CUBN: variants seen among roughly 807,000 people sequenced by gnomAD.
CUBN encodes the protein 460 kDa receptor.
In CUBN, 282 loss-of-function variants were observed where a neutral mutation model predicts 405.3. The observed-to-expected ratio is 0.70, with a 90% CI of 0.63 to 0.77. The LOEUF (loss-of-function observed/expected upper bound fraction) is 0.77. Among genes scored for constraint, CUBN ranks in the 30% least tolerant of loss-of-function variants. The probability of loss-of-function intolerance (pLI) is 0.00; values close to 1 mark genes in which losing one functional copy is unlikely to be tolerated. For missense variants in CUBN, 4,514 were observed against 4,475.2 expected, an observed-to-expected ratio of 1.01 and a Z score of -0.25; for synonymous variants, 1,684 against 1,617.0, an observed-to-expected ratio of 1.04 and a Z score of -0.99.
At chr10:16,905,009 T>C (rs1458494318) in intron 50 of CUBN, among the ~76,000 whole-genome samples, 1 of 152,192 alleles carries the variant, frequency 6.6e-6, no homozygotes, top group Non-Finnish European at 1.5e-5. Context: ...AAATTCTCCT[T>C]CCTGAAAATT....
intron 22 of CUBN, among the ~76,000 whole-genome samples, chr10:17,050,175 C>T (rs1355503378): frequency 6.6e-6 from 1 of 152,146 alleles, no homozygotes; most frequent in Non-Finnish European, 1.5e-5. Context: ...TGTACTCTAT[C>T]CTGGTTGGCT....
intron 10 of CUBN, 78 bp downstream of exon 10, chr10:17,109,561 AT>A: frequency 8.6e-7 from 1 of 1,161,348 alleles, no homozygotes; most frequent in Middle Eastern, 2.0e-4. Flanking sequence ...AGAACAGAGG[AT>A]TTTGTGTTTA....
chr10:17,099,480 C>G (rs1213144953), intron 14 of CUBN, among the ~76,000 whole-genome samples: 1 of 152,018 alleles, frequency 6.6e-6, no homozygotes, highest in Non-Finnish European at 1.5e-5. Context: ...GTTTTTTAAT[C>G]CCTTCTATTT....
At position 16,990,456 on chromosome 10, in the gene CUBN, T is replaced by A; in HGVS notation, c.4228A>T (p.Arg1410Trp). 1 of 1,614,196 alleles carries A rather than the reference T, an allele frequency of 6.2e-7. No individual in the cohort carries two copies. The highest frequency in any genetic ancestry group is 1.1e-5 in the South Asian group (1 of 91,088). The stretch of plus-strand genomic sequence containing the variant: ...ATACACTCCTTGTTTGGTGGATACC[T>A]GTTGGGGAACCCGGGGCTGCTGAAG... ...GSFSSPGFPNRYPPNKECIWY... is the reference protein window; with the variant it reads ...GSFSSPGFPNWYPPNKECIWY... Residue 1410 changes from arginine to tryptophan, a missense_variant, in exon 29 of 67, where the codon AGG (arginine) becomes TGG (tryptophan). Physicochemically the swap from Arg to Trp is moderately radical, Grantham distance 101. Coordinates refer to ENST00000377833, the MANE Select transcript of CUBN (RefSeq NM_001081.4).
intron 62 of CUBN, among the ~76,000 whole-genome samples, chr10:16,837,869 G>C (rs1839220813): frequency 6.6e-6 from 1 of 152,188 alleles, no homozygotes; most frequent in Non-Finnish European, 1.5e-5. Flanking sequence ...TCTTACTCGA[G>C]GCTGCTCCAG....
At chr10:17,044,490 A>G (rs1835079917) in intron 25 of CUBN, among the ~76,000 whole-genome samples, 1 of 152,064 alleles carries the variant, frequency 6.6e-6, no homozygotes, top group African/African-American at 2.4e-5. Context: ...ATTGAAAATG[A>G]AAGCCCAATA....
intron 62 of CUBN, among the ~76,000 whole-genome samples, chr10:16,838,779 G>A (rs1486097153): frequency 6.6e-6 from 1 of 152,082 alleles, no homozygotes; most frequent in Non-Finnish European, 1.5e-5. Flanking sequence ...TGAGTAGCTG[G>A]GATTACAAGC....
At chr10:16,925,866 G>A in intron 41 of CUBN, 92 bp from the exon 42 acceptor site, 2 of 1,128,908 alleles carry the variant, frequency 1.8e-6, no homozygotes, top group South Asian at 1.3e-5. Flanking sequence ...TTTTCAAAGT[G>A]GAGGCAATAA....
At chr10:16,826,375 T>A (rs947718) in intron 66 of CUBN, among the ~76,000 whole-genome samples, 151,804 of 152,320 alleles carry the variant, frequency 1, 75,652 homozygotes, top group Middle Eastern at 1. Flanking sequence ...ATGTATGTAA[T>A]TATGCATGTA....
chr10:17,120,780 G>A (rs1419127262), intron 6 of CUBN, among the ~76,000 whole-genome samples: 1 of 152,190 alleles, frequency 6.6e-6, no homozygotes, highest in Non-Finnish European at 1.5e-5. Flanking sequence ...CTTTATCTTG[G>A]TCTATGGATC....
intron 66 of CUBN, among the ~76,000 whole-genome samples, chr10:16,826,017 T>C (rs535107389): frequency 4.9e-4 from 74 of 152,326 alleles, no homozygotes; most frequent in Non-Finnish European, 1.0e-3. Context: ...TAACTTCTTT[T>C]ATTTTGACAA....
intron 59 of CUBN, among the ~76,000 whole-genome samples, chr10:16,859,252 G>A (rs1442086680): frequency 6.6e-6 from 1 of 152,018 alleles, no homozygotes; most frequent in Non-Finnish European, 1.5e-5. Flanking sequence ...ATTGAGAATA[G>A]ATAAAAAGCT....
chr10:16,928,027 G>T, intron 41 of CUBN, 130 bp downstream of exon 41: 2 of 1,005,774 alleles, frequency 2.0e-6, no homozygotes, highest in Non-Finnish European at 3.0e-6. Context: ...CAGAGCCTGG[G>T]CAGAGACCCA....
At chr10:17,117,835 C>G (rs1284348878) in intron 6 of CUBN, among the ~76,000 whole-genome samples, 1 of 152,138 alleles carries the variant, frequency 6.6e-6, no homozygotes, top group Admixed American at 6.6e-5. Flanking sequence ...AAATTTTGGT[C>G]CTTCCTGTTA....
chr10:17,119,388 G>T (rs981394686), intron 6 of CUBN, among the ~76,000 whole-genome samples: 1 of 152,218 alleles, frequency 6.6e-6, no homozygotes. Flanking sequence ...GGCTGGGCAC[G>T]GTGGCTCACG....
At chr10:17,041,241 T>G (rs1346808405) in intron 26 of CUBN, 21 bp from the exon 27 acceptor site, 5 of 1,592,544 alleles carry the variant, frequency 3.1e-6, no homozygotes, top group Non-Finnish European at 4.3e-6. Context: ...AAATGACTGT[T>G]AAGAACCACT....
chr10:17,088,836 G>A (rs953905065), intron 14 of CUBN, among the ~76,000 whole-genome samples: 2 of 152,154 alleles, frequency 1.3e-5, no homozygotes, highest in East Asian at 1.9e-4. Context: ...TTTAATAAAT[G>A]AAAAAATTCA....
intron 51 of CUBN, among the ~76,000 whole-genome samples, chr10:16,902,794 A>G (rs1487547606): frequency 6.6e-6 from 1 of 152,190 alleles, no homozygotes; most frequent in African/African-American, 2.4e-5. Context: ...CTGAGAGGGT[A>G]AAGAATGCAG....
At chr10:17,095,820 C>A (rs1836361103) in intron 14 of CUBN, among the ~76,000 whole-genome samples, 1 of 152,076 alleles carries the variant, frequency 6.6e-6, no homozygotes, top group Non-Finnish European at 1.5e-5. Context: ...ATTCACAATA[C>A]ATTCATACAT....
Sources: allele counts gnomAD v4.1 joint callset (sites outside exome capture counted in the v4.1 genomes callset), GRCh38; gene constraint gnomAD v4.1.1; transcripts MANE v1.5; gene names NCBI Gene and HGNC (gene_info 2026-07-23, HGNC 2026-07-21).